Variants in USH2A observed in about 807,000 individuals in gnomAD.
USH2A encodes the protein Usher syndrome 2A (autosomal recessive, mild).
In USH2A, 443 loss-of-function variants were observed where a neutral mutation model predicts 538.9. The ratio of observed to expected loss-of-function variants is 0.82; its 90% CI spans 0.76 to 0.89. USH2A has a LOEUF of 0.89. Among genes scored for constraint, USH2A ranks in the 40% least tolerant of loss-of-function variants. The probability of loss-of-function intolerance (pLI) is 0.00; values close to 1 mark genes in which losing one functional copy is unlikely to be tolerated. For synonymous variants in USH2A, 2,413 were observed against 2,273.5 expected, an observed-to-expected ratio of 1.06 and a Z score of -1.75; for missense variants, 6,633 against 6,324.8, an observed-to-expected ratio of 1.05 and a Z score of -1.65.
intron 3 of USH2A, among the ~76,000 whole-genome samples, chr1:216,389,019 G>T (rs532312615): frequency 6.6e-6 from 1 of 152,184 alleles, no homozygotes. Flanking sequence ...AATAGTGACA[G>T]AAGGAGAATA....
chr1:215,987,455 C>G (rs1667898312), intron 35 of USH2A, among the ~76,000 whole-genome samples: 1 of 152,154 alleles, frequency 6.6e-6, no homozygotes, highest in South Asian at 2.1e-4. Context: ...GAAATCACAG[C>G]CTGTAAAGAA....
chr1:216,206,010 T>C (rs554187758), intron 16 of USH2A, among the ~76,000 whole-genome samples: 1 of 152,330 alleles, frequency 6.6e-6, no homozygotes, highest in Admixed American at 6.5e-5. Context: ...ATCCTTTCTC[T>C]TTCAAAAGTT....
At chr1:216,282,306 G>A (rs369577527) in intron 11 of USH2A, among the ~76,000 whole-genome samples, 3 of 152,086 alleles carry the variant, frequency 2.0e-5, no homozygotes, top group East Asian at 1.9e-4. Flanking sequence ...TGGCTAATCC[G>A]AGGACATGAA....
chr1:215,948,405 G>T (rs1407485941), intron 37 of USH2A, among the ~76,000 whole-genome samples: 1 of 147,972 alleles, frequency 6.8e-6, no homozygotes, highest in Non-Finnish European at 1.5e-5. Flanking sequence ...ATTTTGGTGT[G>T]TGTCCTTCAT....
chr1:215,887,716 G>A (rs1216495760), intron 41 of USH2A, among the ~76,000 whole-genome samples: 1 of 152,200 alleles, frequency 6.6e-6, no homozygotes, highest in African/African-American at 2.4e-5. Flanking sequence ...TTCAGCAGAT[G>A]AACTTTGCTG....
At chr1:215,729,709 C>T (rs1308776423) in intron 60 of USH2A, among the ~76,000 whole-genome samples, 2 of 152,174 alleles carry the variant, frequency 1.3e-5, no homozygotes, top group Non-Finnish European at 1.5e-5. Flanking sequence ...TGGCTAACTG[C>T]AGCCTCAAAC....
At chr1:215,966,346 C>CT (rs1473160792) in intron 36 of USH2A, among the ~76,000 whole-genome samples, 4 of 152,166 alleles carry the variant, frequency 2.6e-5, no homozygotes, top group Non-Finnish European at 5.9e-5. Context: ...TAACTAATCA[C>CT]TACAAACTCA....
chr1:215,731,196 A>T (rs1358350240), intron 60 of USH2A, among the ~76,000 whole-genome samples: 5 of 152,236 alleles, frequency 3.3e-5, no homozygotes, highest in Non-Finnish European at 7.3e-5. Flanking sequence ...TATACTATTT[A>T]AAAGATTGAG....
At chr1:215,941,636 A>G (rs1666636219) in intron 37 of USH2A, among the ~76,000 whole-genome samples, 1 of 152,132 alleles carries the variant, frequency 6.6e-6, no homozygotes, top group Non-Finnish European at 1.5e-5. Context: ...GTTCTGGTAG[A>G]GCCTTACTAA....
chr1:215,758,533 T>G, intron 58 of USH2A, 62 bp downstream of exon 58: 1 of 1,553,950 alleles, frequency 6.4e-7, no homozygotes, highest in Non-Finnish European at 8.8e-7. Context: ...TCTATTCTTA[T>G]CTCTAATTAA....
At chr1:216,192,472 A>T (rs1022335933) in intron 19 of USH2A, among the ~76,000 whole-genome samples, 1 of 151,948 alleles carries the variant, frequency 6.6e-6, no homozygotes, top group Non-Finnish European at 1.5e-5. Flanking sequence ...CGGGTGGATC[A>T]CTTGAGGCTA....
At chr1:215,997,953 G>A (rs1668176393) in intron 34 of USH2A, among the ~76,000 whole-genome samples, 1 of 152,018 alleles carries the variant, frequency 6.6e-6, no homozygotes. Context: ...GTTTTGTGGT[G>A]TTAAGTCAGA....
chr1:215,706,855 T>C (rs1342784727), intron 61 of USH2A, among the ~76,000 whole-genome samples: 1 of 152,242 alleles, frequency 6.6e-6, no homozygotes, highest in African/African-American at 2.4e-5. Flanking sequence ...CCTCTAGTTT[T>C]AGATTATGAT....
intron 15 of USH2A, among the ~76,000 whole-genome samples, chr1:216,214,536 G>A (rs2035306708): frequency 6.6e-6 from 1 of 151,976 alleles, no homozygotes; most frequent in African/African-American, 2.4e-5. Flanking sequence ...AGTTGTTTGG[G>A]GCTAGAGGTG....
chr1:215,905,425 C>G (rs1381872029), intron 38 of USH2A, among the ~76,000 whole-genome samples: 2 of 152,178 alleles, frequency 1.3e-5, no homozygotes, highest in East Asian at 3.9e-4. Context: ...CTGAATACCA[C>G]TCTGCACAAG....
intron 61 of USH2A, among the ~76,000 whole-genome samples, chr1:215,723,232 G>T (rs1006270776): frequency 6.6e-6 from 1 of 152,096 alleles, no homozygotes; most frequent in Non-Finnish European, 1.5e-5. Context: ...GAGGTTGGGA[G>T]AGCAGCTAGT....
chr1:216,036,281 A>G (rs775562044), intron 32 of USH2A, among the ~76,000 whole-genome samples: 14 of 152,136 alleles, frequency 9.2e-5, no homozygotes, highest in Non-Finnish European at 1.6e-4. Context: ...TACAAAAAGA[A>G]TCTGACTTCT....
chr1:215,835,852 T>C (rs1381263548), intron 47 of USH2A, among the ~76,000 whole-genome samples: 1 of 152,176 alleles, frequency 6.6e-6, no homozygotes. Flanking sequence ...GCTTACAAAA[T>C]TGTGTTGCAA....
chr1:215,667,047 C>T (rs145733989), intron 64 of USH2A, among the ~76,000 whole-genome samples: 158 of 152,010 alleles, frequency 1.0e-3, no homozygotes, highest in South Asian at 4.8e-3. Context: ...GCCAAGATTG[C>T]GCCATTGCAC....
Sources: gnomAD v4.1 joint callset for allele counts (sites outside exome capture counted in the v4.1 genomes callset) on GRCh38, gnomAD v4.1.1 for gene constraint, MANE v1.5 for transcripts, NCBI Gene and HGNC (gene_info 2026-07-23, HGNC 2026-07-21) for gene names.